PRKACB: variants seen among roughly 807,000 people sequenced by gnomAD.
PRKACB encodes cAMP-dependent protein kinase catalytic subunit beta.
A neutral mutation model predicts 51.4 loss-of-function variants in PRKACB; 16 were observed. The observed-to-expected ratio is 0.31, with a 90% CI of 0.21 to 0.47. PRKACB has a LOEUF of 0.47. Among genes scored for constraint, PRKACB ranks in the 20% least tolerant of loss-of-function variants. The pLI is 1.00. For synonymous variants in PRKACB, 147 were observed against 154.4 expected (o/e 0.95, Z 0.35); for missense variants, 309 against 464.5 (o/e 0.67, Z 3.08).
chr1:84,227,151 A>G (rs1674753088), intron 9 of PRKACB, among the ~76,000 whole-genome samples: 3 of 152,186 alleles, frequency 2.0e-5, no homozygotes, highest in African/African-American at 7.2e-5. Flanking sequence ...ATTATATGGG[A>G]TTCATAAAAT....
chr1:84,157,897 T>C (rs1373397131), intron 1 of PRKACB, among the ~76,000 whole-genome samples: 1 of 152,154 alleles, frequency 6.6e-6, no homozygotes, highest in African/African-American at 2.4e-5. Flanking sequence ...TTTTTATTTC[T>C]CTTGGGTAGA....
chr1:84,186,866 A>T (rs1665280986), intron 5 of PRKACB, among the ~76,000 whole-genome samples: 1 of 152,144 alleles, frequency 6.6e-6, no homozygotes, highest in South Asian at 2.1e-4. Flanking sequence ...TCCAGCCAGC[A>T]TCGAGTTCCC....
intron 1 of PRKACB, among the ~76,000 whole-genome samples, chr1:84,113,659 T>A (rs557140527): frequency 6.6e-6 from 1 of 152,174 alleles, no homozygotes; most frequent in Non-Finnish European, 1.5e-5. Flanking sequence ...TTCAATACTA[T>A]TCAACAATAA....
intron 1 of PRKACB, among the ~76,000 whole-genome samples, chr1:84,114,907 T>C (rs1192216228): frequency 2.6e-5 from 4 of 152,248 alleles, no homozygotes; most frequent in Non-Finnish European, 4.4e-5. Flanking sequence ...ATTCTGCATA[T>C]ATGCCACATA....
At chr1:84,165,694 A>C (rs1332307946) in intron 1 of PRKACB, among the ~76,000 whole-genome samples, 2 of 151,804 alleles carry the variant, frequency 1.3e-5, no homozygotes, top group Non-Finnish European at 2.9e-5. Flanking sequence ...TTGAAAAAAT[A>C]TACTACAGTA....
At chr1:84,104,001 A>G (rs1649544904) in intron 1 of PRKACB, among the ~76,000 whole-genome samples, 1 of 152,194 alleles carries the variant, frequency 6.6e-6, no homozygotes, top group African/African-American at 2.4e-5. Flanking sequence ...CTTGTACTTG[A>G]AAATGTACAG....
chr1:84,233,974 G>A (rs879517747), intron 9 of PRKACB, among the ~76,000 whole-genome samples: 2,369 of 107,660 alleles, frequency 0.022, no homozygotes, highest in Non-Finnish European at 0.022. Context: ...CGTTCCTTTG[G>A]AGGAGGAGAG....
intron 1 of PRKACB, among the ~76,000 whole-genome samples, chr1:84,106,962 G>A (rs1649805434): frequency 6.6e-6 from 1 of 151,470 alleles, no homozygotes; most frequent in Non-Finnish European, 1.5e-5. Context: ...ACACCCAGGA[G>A]GAGGGAGAGG....
chr1:84,130,466 A>G (rs1317724470), intron 1 of PRKACB, among the ~76,000 whole-genome samples: 6 of 152,164 alleles, frequency 3.9e-5, no homozygotes, highest in East Asian at 1.9e-4. Context: ...GAAATTGTCT[A>G]TTGTAAACAA....
At chr1:84,172,186 C>T (rs941341214) in intron 1 of PRKACB, among the ~76,000 whole-genome samples, 1 of 151,608 alleles carries the variant, frequency 6.6e-6, no homozygotes, top group Non-Finnish European at 1.5e-5. Flanking sequence ...GAAGTTGATA[C>T]TGTGCATTCC....
At position 84,235,206 on chromosome 1, in the gene PRKACB, T is replaced by C; in HGVS notation, c.1098T>C (p.Phe366=). 2 of 1,614,014 alleles carry C rather than the reference T, an allele frequency of 1.2e-6. No homozygotes were observed. The highest frequency in any genetic ancestry group is 1.7e-6 in the Non-Finnish European group (2 of 1,179,882). The stretch of plus-strand genomic sequence containing the variant: ...TTGAAGCTCCATTCATACCAAAGTT[T>C]AGAGGCTCTGGAGATACCAGCAACT... The part of the protein sequence containing the change: ...RKVEAPFIPK[F]RGSGDTSNFD... The change falls in exon 10 of 10, where the codon TTT becomes TTC. Residue 366 remains phenylalanine, a synonymous_variant. Transcript: ENST00000370685.
At chr1:84,172,175 C>A (rs985539196) in intron 1 of PRKACB, among the ~76,000 whole-genome samples, 2 of 151,492 alleles carry the variant, frequency 1.3e-5, no homozygotes, top group African/African-American at 4.8e-5. Flanking sequence ...TTGTTACTGC[C>A]GAAGTTGATA....
intron 1 of PRKACB, among the ~76,000 whole-genome samples, chr1:84,081,035 A>G (rs935986046): frequency 2.3e-4 from 35 of 152,344 alleles, no homozygotes; most frequent in African/African-American, 7.9e-4. Flanking sequence ...TGCTAACATT[A>G]TGGAAAGTGG....
chr1:84,150,306 G>A (rs186644427), intron 1 of PRKACB, among the ~76,000 whole-genome samples: 12 of 151,966 alleles, frequency 7.9e-5, no homozygotes, highest in African/African-American at 2.9e-4. Flanking sequence ...ATAAAATAAA[G>A]AAAACACATT....
At chr1:84,141,551 C>T (rs1412902458), upstream of PRKACB, among the ~76,000 whole-genome samples, 2 of 152,104 alleles carry the variant, frequency 1.3e-5, no homozygotes, top group Non-Finnish European at 2.9e-5. Flanking sequence ...ATTTTTAAAA[C>T]AGTGCAGATT....
chr1:84,082,872 A>G (rs186368691), intron 1 of PRKACB, among the ~76,000 whole-genome samples: 286 of 152,298 alleles, frequency 1.9e-3, no homozygotes, highest in Non-Finnish European at 3.2e-3. Flanking sequence ...CATCTTGGTT[A>G]TTTGTGGATC....
At chr1:84,144,190 G>A (rs569746539), upstream of PRKACB, 9 of 1,284,956 alleles carry the variant, frequency 7.0e-6, no homozygotes, top group South Asian at 1.1e-4. Context: ...GCTAAGAAAA[G>A]CTCAGTAATG....
chr1:84,133,189 C>T (rs1652427626), intron 1 of PRKACB, among the ~76,000 whole-genome samples: 1 of 152,028 alleles, frequency 6.6e-6, no homozygotes, highest in Admixed American at 6.5e-5. Flanking sequence ...TTATGGCAGA[C>T]TTCTCATCAC....
intron 1 of PRKACB, among the ~76,000 whole-genome samples, chr1:84,133,051 T>A (rs1652407296): frequency 6.6e-6 from 1 of 152,048 alleles, no homozygotes. Flanking sequence ...GAATGAATGA[T>A]AAAGTAAGTA....
Sources: gnomAD v4.1 joint callset for allele counts (sites outside exome capture counted in the v4.1 genomes callset) on GRCh38, gnomAD v4.1.1 for gene constraint, MANE v1.5 for transcripts, NCBI Gene and HGNC (gene_info 2026-07-23, HGNC 2026-07-21) for gene names.